Variants in FAM117B observed in about 807,000 individuals in gnomAD.
The protein encoded by FAM117B is family with sequence similarity 117 member B.
A neutral mutation model predicts 52.8 loss-of-function variants in FAM117B; 22 were observed. That is an observed-to-expected ratio of 0.42 (90% confidence interval 0.30 to 0.59). The LOEUF is 0.59. FAM117B is among the 20% of genes least tolerant of loss of function. The pLI, the probability that FAM117B is intolerant of heterozygous loss-of-function variation, is 0.22. For synonymous variants in FAM117B, 309 were observed against 324.1 expected, an observed-to-expected ratio of 0.95 and a Z score of 0.50; for missense variants, 678 against 802.6, an observed-to-expected ratio of 0.84 and a Z score of 1.88.
At chr2:202,728,135 A>G (rs936603700) in intron 4 of FAM117B, among the ~76,000 whole-genome samples, 7 of 152,230 alleles carry the variant, frequency 4.6e-5, no homozygotes, top group African/African-American at 1.7e-4. Context: ...GTGCACCACC[A>G]TGCCTGGCTA....
intron 2 of FAM117B, among the ~76,000 whole-genome samples, chr2:202,714,826 T>C (rs1691018549): frequency 6.6e-6 from 1 of 151,834 alleles, no homozygotes; most frequent in Non-Finnish European, 1.5e-5. Flanking sequence ...ACAGCACATG[T>C]TTCAGAGAGC....
At chr2:202,642,941 G>A (rs1689793054) in intron 1 of FAM117B, among the ~76,000 whole-genome samples, 1 of 152,152 alleles carries the variant, frequency 6.6e-6, no homozygotes, top group Non-Finnish European at 1.5e-5. Flanking sequence ...TGAGAAAGCC[G>A]AAAAGAAAGA....
chr2:202,649,162 A>AT (rs1408987628), intron 1 of FAM117B, among the ~76,000 whole-genome samples: 5 of 152,076 alleles, frequency 3.3e-5, no homozygotes, highest in Admixed American at 6.6e-5. Flanking sequence ...TTTCATGAAC[A>AT]TTTTTTCCCC....
chr2:202,745,812 A>G (rs1163991161), intron 4 of FAM117B, among the ~76,000 whole-genome samples: 1 of 152,228 alleles, frequency 6.6e-6, no homozygotes, highest in Non-Finnish European at 1.5e-5. Context: ...TTTGTATAAC[A>G]CAAAATAGAC....
chr2:202,737,255 G>T (rs1354185866), intron 4 of FAM117B, among the ~76,000 whole-genome samples: 1 of 151,886 alleles, frequency 6.6e-6, no homozygotes, highest in Admixed American at 6.6e-5. Flanking sequence ...ACAATATTAG[G>T]CAGGTAAAGA....
At position 202,753,753 on chromosome 2, in the gene FAM117B, T is replaced by TA. The variant is rs201047413; in HGVS notation, c.961-1772dup. Among the ~76,000 whole-genome samples, 1,203 of 135,570 alleles carry TA rather than the reference T, an allele frequency of 8.9e-3. 26 individuals carry two copies. In the East Asian group the frequency reaches 0.09, roughly 10 times the overall value. 88.9% of individuals were successfully genotyped at this position (135,570 alleles called of 152,430 possible). On this transcript the variant is annotated intron_variant, in intron 4 of 7. Transcript: ENST00000392238. ...GACATTTACACGGCCAACAAACATGTAAAAAAAAAAAAACATGAAAAACTC... is the reference window on the plus strand; with the variant it reads ...GACATTTACACGGCCAACAAACATGTAAAAAAAAAAAAAACATGAAAAACTC...
chr2:202,655,759 A>AGTGT (rs1690046459), intron 1 of FAM117B, among the ~76,000 whole-genome samples: 1 of 122,032 alleles, frequency 8.2e-6, no homozygotes, highest in Non-Finnish European at 1.8e-5. Context: ...AGAGAGAGAG[A>AGTGT]GAGTGTGTGT....
At chr2:202,686,048 T>C (rs1337837751) in intron 1 of FAM117B, among the ~76,000 whole-genome samples, 1 of 152,204 alleles carries the variant, frequency 6.6e-6, no homozygotes, top group African/African-American at 2.4e-5. Context: ...AGAACTTGCA[T>C]CCAGAATACA....
intron 7 of FAM117B, among the ~76,000 whole-genome samples, chr2:202,760,522 C>A (rs1309652839): frequency 1.3e-5 from 2 of 152,200 alleles, no homozygotes; most frequent in African/African-American, 4.8e-5. Flanking sequence ...ATTTACCATG[C>A]TTCCCATGGG....
chr2:202,760,309 C>T (rs763977136), intron 7 of FAM117B, among the ~76,000 whole-genome samples: 6 of 152,134 alleles, frequency 3.9e-5, no homozygotes, highest in African/African-American at 9.7e-5. Flanking sequence ...TGCTCCTGAA[C>T]GGGGGAGGTC....
intron 2 of FAM117B, among the ~76,000 whole-genome samples, chr2:202,714,522 CT>C (rs201682417): frequency 0.11 from 13,320 of 123,736 alleles, 2,361 homozygotes; most frequent in African/African-American, 0.37. Context: ...GTTGTTATAT[CT>C]TTTTTTTTTC....
Position 202,707,593 on chromosome 2 carries a change from G to C in FAM117B, c.753+11561G>C, listed in dbSNP as rs772567023. The stretch of plus-strand genomic sequence containing the variant: ...GGTGGCGTGTGCACTTGCAATCCCA[G>C]CTACTCGGGAGGCTGAGGCACGAGA... On this transcript the variant is annotated intron_variant, in intron 2 of 7. Coordinates refer to ENST00000392238, the MANE Select transcript of FAM117B (RefSeq NM_173511.4). Among the ~76,000 whole-genome samples, 22 of 151,798 alleles carry C rather than the reference G, an allele frequency of 1.4e-4. 1 individual carries two copies. The highest frequency in any genetic ancestry group is 2.8e-4 in the Non-Finnish European group (19 of 67,966).
chr2:202,761,531 TA>T (rs1691889415), intron 7 of FAM117B, among the ~76,000 whole-genome samples: 1 of 152,122 alleles, frequency 6.6e-6, no homozygotes, highest in Non-Finnish European at 1.5e-5. Flanking sequence ...TTTTTGTTTT[TA>T]TTTTTTTTCT....
At chr2:202,747,519 C>T (rs1207971420) in intron 4 of FAM117B, among the ~76,000 whole-genome samples, 1 of 151,936 alleles carries the variant, frequency 6.6e-6, no homozygotes, top group African/African-American at 2.4e-5. Flanking sequence ...ATGGAAAAAC[C>T]TACCCATTCC....
intron 4 of FAM117B, among the ~76,000 whole-genome samples, chr2:202,743,337 C>T (rs2105794320): frequency 6.6e-6 from 1 of 152,012 alleles, no homozygotes; most frequent in Admixed American, 6.5e-5. Context: ...CTGCACCCAC[C>T]CAGAATCAAA....
intron 2 of FAM117B, among the ~76,000 whole-genome samples, chr2:202,708,899 C>T (rs1559106920): frequency 6.6e-6 from 1 of 152,126 alleles, no homozygotes; most frequent in Non-Finnish European, 1.5e-5. Context: ...AGCCACTAGG[C>T]CCAGCCAATT....
chr2:202,717,606 AT>A, intron 2 of FAM117B, among the ~76,000 whole-genome samples: 1 of 152,336 alleles, frequency 6.6e-6, no homozygotes, highest in East Asian at 1.9e-4. Flanking sequence ...CAGAAGAATT[AT>A]CTGGATTACA....
chr2:202,680,436 AAAT>A (rs1444812031), intron 1 of FAM117B, among the ~76,000 whole-genome samples: 2 of 152,180 alleles, frequency 1.3e-5, no homozygotes, highest in South Asian at 2.1e-4. Flanking sequence ...AAGTCTGAAG[AAAT>A]AATGACTGAA....
intron 4 of FAM117B, among the ~76,000 whole-genome samples, chr2:202,751,133 TTC>T (rs1320149731): frequency 2.0e-5 from 3 of 152,210 alleles, no homozygotes; most frequent in African/African-American, 7.2e-5. Flanking sequence ...TCCCATAATT[TTC>T]TGTTTGCAAA....
Sources: gnomAD v4.1 joint callset for allele counts (sites outside exome capture counted in the v4.1 genomes callset) on GRCh38, gnomAD v4.1.1 for gene constraint, MANE v1.5 for transcripts, NCBI Gene and HGNC (gene_info 2026-07-23, HGNC 2026-07-21) for gene names.